The following DDX50 variants were observed in gnomAD, a reference collection of about 807,000 sequenced individuals.
DDX50 encodes the protein ATP-dependent RNA helicase DDX50.
A neutral mutation model predicts 94.8 loss-of-function variants in DDX50; 56 were observed. That is an observed-to-expected ratio of 0.59 (90% CI 0.48 to 0.74). The LOEUF (loss-of-function observed/expected upper bound fraction) is 0.74, where lower values mean the gene tolerates loss of function less well. Among genes scored for constraint, DDX50 ranks in the 30% least tolerant of loss-of-function variants. The probability of loss-of-function intolerance (pLI) is 0.00; values close to 1 mark genes in which losing one functional copy is unlikely to be tolerated. For missense variants in DDX50, 713 were observed against 881.2 expected, an observed-to-expected ratio of 0.81 and a Z score of 2.42; for synonymous variants, 264 against 295.4, an observed-to-expected ratio of 0.89 and a Z score of 1.09.
chr10:68,907,972 T>C (rs1272036242), intron 2 of DDX50, among the ~76,000 whole-genome samples: 1 of 152,144 alleles, frequency 6.6e-6, no homozygotes. Flanking sequence ...GATGAAGAGG[T>C]GTGCAGAGCT....
intron 12 of DDX50, 142 bp downstream of exon 12, chr10:68,937,237 C>G: frequency 1.1e-6 from 1 of 882,524 alleles, no homozygotes; most frequent in Non-Finnish European, 1.6e-6. Flanking sequence ...TTTTCCTCTA[C>G]TCCCTAATAA....
intron 7 of DDX50, among the ~76,000 whole-genome samples, chr10:68,919,002 T>C (rs1841876788): frequency 6.6e-6 from 1 of 152,210 alleles, no homozygotes; most frequent in African/African-American, 2.4e-5. Flanking sequence ...ATACTTACCA[T>C]TGCCTACAGT....
chr10:68,913,310 G>T (rs769142619), intron 5 of DDX50, 31 bp downstream of exon 5: 1 of 1,604,624 alleles, frequency 6.2e-7, no homozygotes, highest in African/African-American at 1.3e-5. Context: ...GACGTGCAAA[G>T]GCATATTTGA....
chr10:68,920,947 CAAA>C (rs11367137), intron 8 of DDX50, among the ~76,000 whole-genome samples: 26 of 86,096 alleles, frequency 3.0e-4, no homozygotes, highest in Admixed American at 5.0e-4. Flanking sequence ...GACTCCATCT[CAAA>C]AAAAAAAAAA....
intron 1 of DDX50, 86 bp downstream of exon 1, chr10:68,901,557 C>A: frequency 7.2e-7 from 1 of 1,390,368 alleles, no homozygotes; most frequent in Non-Finnish European, 9.7e-7. Context: ...GATGGCCTGT[C>A]AGAACCGGGC....
At chr10:68,931,085 C>T (rs1842250704) in intron 8 of DDX50, among the ~76,000 whole-genome samples, 2 of 152,074 alleles carry the variant, frequency 1.3e-5, no homozygotes, top group South Asian at 4.1e-4. Flanking sequence ...AGCCTCATTG[C>T]CTCTTAGACC....
At chr10:68,927,999 C>T (rs1003143433) in intron 8 of DDX50, among the ~76,000 whole-genome samples, 13 of 151,790 alleles carry the variant, frequency 8.6e-5, no homozygotes, top group Admixed American at 2.6e-4. Flanking sequence ...GTAGGTTGGG[C>T]GACAGAGCAA....
At chr10:68,927,657 A>AATTAAAAGTAAATTAAAAAAAGT (rs1203193570) in intron 8 of DDX50, among the ~76,000 whole-genome samples, 3 of 152,240 alleles carry the variant, frequency 2.0e-5, no homozygotes, top group African/African-American at 7.2e-5. Flanking sequence ...GTAAATTAAA[A>AATTAAAAGTAAATTAAAAAAAGT]AAATATATAT....
Position 68,910,296 on chromosome 10 carries a change from C to A in DDX50, c.385-11C>A. Reference sequence around the variant, plus strand: ...TATAAATTATTTAGGCCATTGATTTCATTTTTACAGACCTTAACACGTGAA... The same window carrying A: ...TATAAATTATTTAGGCCATTGATTTAATTTTTACAGACCTTAACACGTGAA... On this transcript the variant is annotated splice_polypyrimidine_tract_variant and intron_variant, in intron 2 of 14. Transcript: ENST00000373585. 1 of 1,587,472 alleles carries A rather than the reference C, an allele frequency of 6.3e-7. No homozygotes were observed. The highest frequency in any genetic ancestry group is 1.2e-5 in the South Asian group (1 of 86,916).
At chr10:68,942,013 C>G (rs1377957030) in intron 13 of DDX50, among the ~76,000 whole-genome samples, 2 of 152,022 alleles carry the variant, frequency 1.3e-5, no homozygotes, top group Non-Finnish European at 2.9e-5. Flanking sequence ...GTCTTGAACT[C>G]CTGAGCTCAA....
chr10:68,935,101 T>G (rs773863221), intron 10 of DDX50, among the ~76,000 whole-genome samples, 183 bp downstream of exon 10: 12 of 152,254 alleles, frequency 7.9e-5, no homozygotes, highest in Non-Finnish European at 1.3e-4. Flanking sequence ...GCTTTTATTG[T>G]GAAGACAGTG....
intron 4 of DDX50, among the ~76,000 whole-genome samples, chr10:68,912,130 T>C (rs1841641488): frequency 6.6e-6 from 1 of 152,186 alleles, no homozygotes; most frequent in African/African-American, 2.4e-5. Context: ...TTTGGAGAGT[T>C]ATGTTTTTCG....
intron 11 of DDX50, 31 bp from the exon 12 acceptor site, chr10:68,936,905 C>G: frequency 6.5e-7 from 1 of 1,534,500 alleles, no homozygotes; most frequent in Non-Finnish European, 8.8e-7. Flanking sequence ...TTCCCTATGT[C>G]TTGACCAAGA....
chr10:68,916,036 G>T (rs528180519), intron 7 of DDX50, among the ~76,000 whole-genome samples: 1 of 152,212 alleles, frequency 6.6e-6, no homozygotes, highest in Non-Finnish European at 1.5e-5. Context: ...GATTACTTCT[G>T]GGAAGGGGCA....
In DDX50 at chr10:68,913,049, G is replaced by A. The variant is rs529399198; in HGVS notation, c.640-113G>A. The A allele has an allele frequency of 4.1e-5, 32 of 773,020 alleles. No individual in the cohort carries two copies. In the Admixed American group the frequency reaches 7.4e-4, roughly 18 times the overall value. The allele number at this position is 773,020 out of a possible 1,614,324, so 47.9% of individuals were successfully genotyped here. Reference sequence around the variant, plus strand: ...TTTGTGATGTGTCTTTAAATACTTCGACATTAATGTTGAGATTCCTGGTTT... The same window carrying A: ...TTTGTGATGTGTCTTTAAATACTTCAACATTAATGTTGAGATTCCTGGTTT... On this transcript the variant is annotated intron_variant, in intron 4 of 14. Coordinates refer to ENST00000373585, the MANE Select transcript of DDX50 (RefSeq NM_024045.2).
chr10:68,935,948 T>C, intron 10 of DDX50, 58 bp from the exon 11 acceptor site: 1 of 1,167,416 alleles, frequency 8.6e-7, no homozygotes, highest in Non-Finnish European at 1.2e-6. Context: ...AAAATATTAA[T>C]TTAGGAATTA....
Position 68,913,561 on chromosome 10 carries a change from G to T in DDX50, c.928G>T (p.Glu310Ter). The T allele has an allele frequency of 6.2e-7, 1 of 1,612,698 alleles. No homozygotes were observed. Among genetic ancestry groups the T allele is most frequent in the South Asian group, 1.1e-5 (1 of 90,640 alleles). The change falls in exon 6 of 15, where the codon GAA (glutamate) becomes TAA (stop). Residue 310 changes from glutamate (E) to a stop codon, truncating the protein, a stop_gained. Transcript: ENST00000373585. LOFTEE classifies it high-confidence loss of function. ...TGAACAAGTTGAAGATATTATTCAT[G>T]AATCCTACAAAACTGGTATATCCTA... is the stretch of plus-strand genomic sequence containing the variant. ...FAEQVEDIIH[E>*]SYKTDSEDNP... is the part of the protein sequence containing the mutation.
At position 68,937,009 on chromosome 10, in the gene DDX50, G is replaced by A; in HGVS notation, c.1669G>A (p.Gly557Ser). The A allele has an allele frequency of 1.2e-6, 2 of 1,612,374 alleles. No homozygotes were observed. The highest frequency in any genetic ancestry group is 1.7e-6 in the Non-Finnish European group (2 of 1,179,904). ...PSAQRLIEEK[G>S]AVDALAAALA... is the part of the protein sequence containing the mutation. ...AGCTCAGAGACTGATAGAAGAGAAA[G>A]GTGCAGTGGATGCATTGGCTGCAGC... Residue 557 changes from glycine (G) to serine (S), a missense_variant, in exon 12 of 15, where the codon GGT becomes AGT. By Grantham distance (56) the Gly-to-Ser change is moderately conservative. Coordinates refer to ENST00000373585, the MANE Select transcript of DDX50 (RefSeq NM_024045.2).
At chr10:68,915,363 A>G (rs1378448148) in intron 7 of DDX50, among the ~76,000 whole-genome samples, 1 of 151,970 alleles carries the variant, frequency 6.6e-6, no homozygotes, top group African/African-American at 2.4e-5. Context: ...CAGTGAGCCA[A>G]GATCGCGCCA....
Sources: gnomAD v4.1 joint callset for allele counts (sites outside exome capture counted in the v4.1 genomes callset) on GRCh38, gnomAD v4.1.1 for gene constraint, MANE v1.5 for transcripts, NCBI Gene and HGNC (gene_info 2026-07-23, HGNC 2026-07-21) for gene names.